The following SLC38A6 variants were observed in gnomAD, a reference collection of about 807,000 sequenced individuals.
The protein encoded by SLC38A6 is N system amino acid transporter NAT-1.
Under a neutral mutation model 65.0 loss-of-function variants are expected in SLC38A6, and 73 were observed. The ratio of observed to expected loss-of-function variants is 1.12; its 90% CI spans 0.93 to 1.37. SLC38A6 has a LOEUF of 1.37. Ranked by LOEUF, SLC38A6 falls within the 40% of genes most tolerant of loss-of-function variation. The probability of loss-of-function intolerance (pLI) is 0.00; values close to 1 mark genes in which losing one functional copy is unlikely to be tolerated. For missense variants in SLC38A6, 561 were observed against 531.1 expected, an observed-to-expected ratio of 1.06 and a Z score of -0.55; for synonymous variants, 183 against 178.8, an observed-to-expected ratio of 1.02 and a Z score of -0.19.
chr14:61,053,069 T>C (rs942769953), downstream of SLC38A6: 7 of 152,128 alleles, frequency 4.6e-5, no homozygotes, highest in African/African-American at 7.2e-5. Flanking sequence ...GTTGTTTTTT[T>C]CTTTGTGTTC....
At position 60,982,558 on chromosome 14, in the gene SLC38A6, T is replaced by C. The variant is rs745617438; in HGVS notation, c.156T>C (p.Phe52=). The C allele has an allele frequency of 1.2e-6, 2 of 1,614,094 alleles. No individual in the cohort carries two copies. Among genetic ancestry groups the C allele is most frequent in the South Asian group, 1.1e-5 (1 of 91,044 alleles). The part of the protein sequence containing the change: ...SPGVSFGLSV[F]NLMNAIMGSG... ...GTGTTTCATTTGGTTTATCAGTGTT[T>C]AATTTGATGAATGCCATCATGGGAA... The change falls in exon 2 of 16, where the codon TTT becomes TTC. Residue 52 remains phenylalanine (F), a synonymous_variant. Coordinates refer to ENST00000267488, the MANE Select transcript of SLC38A6 (RefSeq NM_153811.3).
In SLC38A6 at chr14:61,043,203, A is replaced by G. The variant is rs769950756; in HGVS notation, c.681A>G (p.Lys227=). ...PCPLTLNYVE[K]GFQISNVTDD... ...CTCTGACATTAAATTATGTAGAGAAAGGTTTCCAGGTAATAGCTTATATTT... is the reference window on the plus strand; with the variant it reads ...CTCTGACATTAAATTATGTAGAGAAGGGTTTCCAGGTAATAGCTTATATTT... The change falls in exon 9 of 16, where the codon AAA becomes AAG. Residue 227 remains lysine (K), a synonymous_variant. Coordinates refer to ENST00000267488, the MANE Select transcript of SLC38A6 (RefSeq NM_153811.3). 5.9e-6 allele frequency: 9 copies of G among 1,516,162 alleles called. No individual in the cohort carries two copies. In the African/African-American group the frequency reaches 1.3e-4, roughly 21 times the overall value. 93.9% of individuals were successfully genotyped at this position (1,516,162 alleles called of 1,614,324 possible).
At chr14:61,035,015 C>G (rs764840769) in intron 6 of SLC38A6, among the ~76,000 whole-genome samples, 3 of 152,136 alleles carry the variant, frequency 2.0e-5, no homozygotes, top group Non-Finnish European at 2.9e-5. Flanking sequence ...CCTAATTTAA[C>G]ATGGCAGTGG....
chr14:61,007,953 A>G (rs1489971654), intron 3 of SLC38A6, among the ~76,000 whole-genome samples: 1 of 152,130 alleles, frequency 6.6e-6, no homozygotes, highest in African/African-American at 2.4e-5. Context: ...ACTTTAGAAT[A>G]TGTGATTTGA....
At chr14:61,042,763 G>T (rs1409633052) in intron 8 of SLC38A6, among the ~76,000 whole-genome samples, 1 of 152,130 alleles carries the variant, frequency 6.6e-6, no homozygotes, top group Non-Finnish European at 1.5e-5. Context: ...ATAAACTGCT[G>T]TTAAATGTTT....
At chr14:61,011,883 T>C (rs1449322153) in intron 3 of SLC38A6, among the ~76,000 whole-genome samples, 1 of 152,236 alleles carries the variant, frequency 6.6e-6, no homozygotes, top group African/African-American at 2.4e-5. Context: ...GGTATCAGGA[T>C]AATGCTGGCC....
intron 15 of SLC38A6, among the ~76,000 whole-genome samples, chr14:61,067,855 T>A (rs569529319): frequency 1.1e-3 from 171 of 152,308 alleles, no homozygotes; most frequent in Non-Finnish European, 1.7e-3. Context: ...TTGATTCTAG[T>A]GCATCAGTCA....
Position 61,039,666 on chromosome 14 carries a change from C to T in SLC38A6, c.624+1983C>T, listed in dbSNP as rs1446170733. 3.9e-5 allele frequency among the ~76,000 whole-genome samples: 6 copies of T among 151,946 alleles called. No individual in the cohort carries two copies. In the East Asian group the frequency reaches 9.7e-4, roughly 24 times the overall value. ...GATTACAGGCGTGAGCCACCGTGCC[C>T]AGCCACCATATTTATTTTAGATTCT... On this transcript the variant is annotated intron_variant, in intron 8 of 15. Transcript: ENST00000267488.
intron 6 of SLC38A6, among the ~76,000 whole-genome samples, chr14:61,036,662 G>A (rs1341611195): frequency 6.6e-6 from 1 of 152,052 alleles, no homozygotes; most frequent in African/African-American, 2.4e-5. Context: ...TTTTATAAGT[G>A]TTTTCAAGTA....
At chr14:60,997,002 A>G (rs1238630337) in intron 3 of SLC38A6, among the ~76,000 whole-genome samples, 1 of 152,242 alleles carries the variant, frequency 6.6e-6, no homozygotes, top group Admixed American at 6.5e-5. Context: ...ACCCTTTACC[A>G]AAGTTAGAGA....
chr14:61,062,490 C>G (rs2042882907), intron 15 of SLC38A6, among the ~76,000 whole-genome samples: 1 of 148,662 alleles, frequency 6.7e-6, no homozygotes, highest in Non-Finnish European at 1.5e-5. Flanking sequence ...GCTCAACTCT[C>G]TTTTGCCTTT....
chr14:61,030,228 C>A (rs1467451206), intron 5 of SLC38A6, among the ~76,000 whole-genome samples: 1 of 151,306 alleles, frequency 6.6e-6, no homozygotes, highest in African/African-American at 2.4e-5. Flanking sequence ...ACTTAATGAA[C>A]TTAACAATTG....
At chr14:61,037,286 G>C (rs1029651538) in intron 7 of SLC38A6, 145 bp downstream of exon 7, 1 of 641,632 alleles carries the variant, frequency 1.6e-6, no homozygotes, top group African/African-American at 1.9e-5. Context: ...TTTAAACTTG[G>C]CCTTATTTTA....
intron 15 of SLC38A6, among the ~76,000 whole-genome samples, chr14:61,071,013 C>A (rs1451519983): frequency 6.6e-6 from 1 of 151,970 alleles, no homozygotes; most frequent in African/African-American, 2.4e-5. Flanking sequence ...TTGATTATTT[C>A]TTTTGCTGTG....
chr14:60,986,548 A>G (rs1477401547), intron 3 of SLC38A6, among the ~76,000 whole-genome samples: 1 of 152,246 alleles, frequency 6.6e-6, no homozygotes, highest in Non-Finnish European at 1.5e-5. Flanking sequence ...GTGCAGACAG[A>G]TGAAAATACT....
At chr14:61,002,107 T>C (rs2038751829) in intron 3 of SLC38A6, 1 of 152,220 alleles carries the variant, frequency 6.6e-6, no homozygotes. Flanking sequence ...CTAAGTAGTA[T>C]ACTGAGATCC....
chr14:61,008,048 C>T (rs964005389), intron 3 of SLC38A6, among the ~76,000 whole-genome samples: 3 of 152,008 alleles, frequency 2.0e-5, no homozygotes, highest in African/African-American at 7.2e-5. Flanking sequence ...TAAAATATGT[C>T]TCAAATCCAC....
intron 1 of SLC38A6, 108 bp downstream of exon 1, chr14:60,981,490 T>A: frequency 6.5e-7 from 1 of 1,536,918 alleles, no homozygotes; most frequent in Non-Finnish European, 8.7e-7. Context: ...GGGGAGATGC[T>A]GGAGCCTGAA....
At chr14:61,050,739 A>G (rs2042461672) in intron 13 of SLC38A6, 103 bp downstream of exon 13, 3 of 1,078,724 alleles carry the variant, frequency 2.8e-6, no homozygotes, top group Non-Finnish European at 3.7e-6. Flanking sequence ...CTAGTCTTGT[A>G]TATCTTATTC....
Sources: gnomAD v4.1 joint callset for allele counts (sites outside exome capture counted in the v4.1 genomes callset) on GRCh38, gnomAD v4.1.1 for gene constraint, MANE v1.5 for transcripts, NCBI Gene and HGNC (gene_info 2026-07-23, HGNC 2026-07-21) for gene names.